Variants in KALRN observed in about 807,000 individuals in gnomAD.
KALRN encodes kalirin.
Under a neutral mutation model 353.7 loss-of-function variants are expected in KALRN, and 70 were observed. The ratio of observed to expected loss-of-function variants is 0.20; its 90% CI spans 0.16 to 0.24. The LOEUF is 0.24. Among genes scored for constraint, KALRN ranks in the 10% least tolerant of loss-of-function variants. The pLI is 1.00. For synonymous variants in KALRN, 1,391 were observed against 1,434.8 expected (o/e 0.97, Z 0.69); for missense variants, 2,791 against 3,756.7 (o/e 0.74, Z 6.72).
chr3:124,224,814 C>T (rs1173048274), intron 1 of KALRN, among the ~76,000 whole-genome samples: 6 of 152,086 alleles, frequency 3.9e-5, no homozygotes. Flanking sequence ...ATCTTAAAGG[C>T]CAACAAATAT....
intron 57 of KALRN, 146 bp from the exon 58 acceptor site, chr3:124,712,789 G>T: frequency 1.9e-6 from 1 of 529,998 alleles, no homozygotes. Flanking sequence ...TGGATTCTCT[G>T]AATAACATTA....
intron 6 of KALRN, among the ~76,000 whole-genome samples, chr3:124,315,252 A>C (rs2078693882): frequency 6.6e-6 from 1 of 152,126 alleles, no homozygotes; most frequent in Admixed American, 6.6e-5. Context: ...ATTTGCTTTT[A>C]CGCCCTAACT....
rs543565422 is a variant in KALRN, at chr3:124,481,167, T to G, written c.4192-1641T>G. 3.3e-5 allele frequency among the ~76,000 whole-genome samples: 5 copies of G among 152,250 alleles called. No homozygotes were observed. The South Asian group carries it at 1.0e-3, about 32-fold the overall frequency. Reference sequence around the variant, plus strand: ...ATATATATTACTCTTTCTGAAACATTACTTTCATCATGTGTTTTTTTCTCT... The same window carrying G: ...ATATATATTACTCTTTCTGAAACATGACTTTCATCATGTGTTTTTTTCTCT... On this transcript the variant is annotated intron_variant, in intron 27 of 59. Coordinates refer to ENST00000682506, the MANE Select transcript of KALRN (RefSeq NM_001388419.1).
At chr3:124,290,509 G>T (rs2076327405) in intron 5 of KALRN, among the ~76,000 whole-genome samples, 1 of 152,198 alleles carries the variant, frequency 6.6e-6, no homozygotes, top group South Asian at 2.1e-4. Context: ...GTGATGAAGA[G>T]AAGGAGAGAC....
intron 33 of KALRN, among the ~76,000 whole-genome samples, chr3:124,511,749 T>C (rs949852457): frequency 6.6e-6 from 1 of 152,220 alleles, no homozygotes; most frequent in Non-Finnish European, 1.5e-5. Flanking sequence ...ATTGCCTTCA[T>C]CTACCAAACT....
intron 1 of KALRN, among the ~76,000 whole-genome samples, chr3:124,077,920 G>C (rs2060342278): frequency 6.6e-6 from 1 of 152,196 alleles, no homozygotes. Flanking sequence ...CAGTTTTCTT[G>C]ACTTCTGTGG....
At position 124,657,471 on chromosome 3, in the gene KALRN, A is replaced by G; in HGVS notation, c.5886A>G (p.Glu1962=). Reference sequence around the variant, plus strand: ...AGGGCTTCATGAAGAGAATAGAAGAAAAGGGTGTCCCTGAGGATATGCGAG... The same window carrying G: ...AGGGCTTCATGAAGAGAATAGAAGAGAAGGGTGTCCCTGAGGATATGCGAG... The part of the protein sequence containing the change: ...VVEGFMKRIE[E]KGVPEDMRGK... Residue 1962 remains glutamate, a synonymous_variant, in exon 40 of 60, where the codon GAA becomes GAG. Coordinates refer to ENST00000682506, the MANE Select transcript of KALRN (RefSeq NM_001388419.1). 1 of 1,613,962 alleles carries G rather than the reference A, an allele frequency of 6.2e-7. No individual in the cohort carries two copies. The highest frequency in any genetic ancestry group is 8.5e-7 in the Non-Finnish European group (1 of 1,179,816).
intron 1 of KALRN, among the ~76,000 whole-genome samples, chr3:124,058,845 T>C (rs1272374397): frequency 6.6e-6 from 1 of 152,142 alleles, no homozygotes; most frequent in Non-Finnish European, 1.5e-5. Flanking sequence ...TATATATTTG[T>C]ATATATTTTT....
intron 34 of KALRN, among the ~76,000 whole-genome samples, chr3:124,572,069 C>G (rs1201129248): frequency 6.6e-6 from 1 of 151,582 alleles, no homozygotes. Context: ...ACATCTTTAA[C>G]CCCAGCACTT....
At chr3:124,272,827 C>A (rs2074308371) in intron 5 of KALRN, among the ~76,000 whole-genome samples, 1 of 152,078 alleles carries the variant, frequency 6.6e-6, no homozygotes, top group Admixed American at 6.5e-5. Context: ...AGTGCCTCAG[C>A]CTTTGACTTA....
chr3:124,605,037 C>T (rs2077192704), intron 34 of KALRN, among the ~76,000 whole-genome samples: 1 of 151,826 alleles, frequency 6.6e-6, no homozygotes, highest in Non-Finnish European at 1.5e-5. Flanking sequence ...CTGGTGTGCA[C>T]CTATAGTCCC....
intron 2 of KALRN, among the ~76,000 whole-genome samples, chr3:124,230,127 T>G (rs182003323): frequency 2.0e-4 from 30 of 152,310 alleles, no homozygotes; most frequent in Admixed American, 1.8e-3. Flanking sequence ...TAGCCTGGGC[T>G]CCCAAGGATG....
intron 47 of KALRN, among the ~76,000 whole-genome samples, chr3:124,668,472 C>T (rs1438222268): frequency 6.6e-6 from 1 of 152,248 alleles, no homozygotes; most frequent in Non-Finnish European, 1.5e-5. Flanking sequence ...AGCAGGACAC[C>T]TGGCATCCTC....
intron 33 of KALRN, among the ~76,000 whole-genome samples, chr3:124,500,845 A>G (rs1023019788): frequency 1.3e-5 from 2 of 151,398 alleles, no homozygotes; most frequent in Non-Finnish European, 2.9e-5. Flanking sequence ...TCTTTTGACT[A>G]TATGTGCATT....
chr3:124,377,554 G>A (rs2086757680), intron 10 of KALRN, among the ~76,000 whole-genome samples: 3 of 152,078 alleles, frequency 2.0e-5, no homozygotes, highest in Admixed American at 1.3e-4. Flanking sequence ...TCCTACAAAT[G>A]TCAGACCACG....
At chr3:124,488,374 T>A in intron 29 of KALRN, 59 bp downstream of exon 29, 1 of 1,139,856 alleles carries the variant, frequency 8.8e-7, no homozygotes, top group Non-Finnish European at 1.3e-6. Context: ...GGGGAGCTTG[T>A]ATCATGGGAG....
intron 14 of KALRN, among the ~76,000 whole-genome samples, chr3:124,420,126 TCATC>T (rs1230657731): frequency 6.6e-6 from 1 of 152,234 alleles, no homozygotes; most frequent in Non-Finnish European, 1.5e-5. Context: ...AGCACTGTCT[TCATC>T]CATTTTATTT....
chr3:124,192,719 G>A (rs1358026960), intron 1 of KALRN, among the ~76,000 whole-genome samples: 4 of 152,220 alleles, frequency 2.6e-5, no homozygotes, highest in Non-Finnish European at 1.5e-5. Flanking sequence ...TACCATGGAT[G>A]TGTGTGCACA....
intron 34 of KALRN, among the ~76,000 whole-genome samples, chr3:124,625,253 T>C (rs1262959660): frequency 6.6e-6 from 1 of 152,092 alleles, no homozygotes; most frequent in Non-Finnish European, 1.5e-5. Flanking sequence ...TGCCCAGTGG[T>C]GGAGCCAGAC....
Sources: gnomAD v4.1 joint callset for allele counts (sites outside exome capture counted in the v4.1 genomes callset) on GRCh38, gnomAD v4.1.1 for gene constraint, MANE v1.5 for transcripts, NCBI Gene and HGNC (gene_info 2026-07-23, HGNC 2026-07-21) for gene names.